The following MS4A13 variants were observed in gnomAD, a reference collection of about 807,000 sequenced individuals.
The protein encoded by MS4A13 is membrane spanning 4-domains A13.
MS4A13 carries 21 observed loss-of-function variants against 18.4 expected under a neutral mutation model. The observed-to-expected ratio is 1.14, with a 90% CI of 0.81 to 1.64. The LOEUF (loss-of-function observed/expected upper bound fraction) is 1.64, where lower values mean the gene tolerates loss of function less well. MS4A13 is among the 40% of genes most tolerant of loss of function. The pLI, the probability that MS4A13 is intolerant of heterozygous loss-of-function variation, is 0.00. For missense variants in MS4A13, 173 were observed against 176.8 expected (o/e 0.98, Z 0.12); for synonymous variants, 62 against 57.2 (o/e 1.08, Z -0.38).
intron 6 of MS4A13, among the ~76,000 whole-genome samples, chr11:60,531,434 C>G (rs1028274714): frequency 1.3e-5 from 2 of 152,140 alleles, no homozygotes; most frequent in African/African-American, 4.8e-5. Flanking sequence ...ACTAAGGAGA[C>G]AGGAGAAGGT....
At chr11:60,532,600 C>T (rs898040428) in intron 6 of MS4A13, among the ~76,000 whole-genome samples, 5 of 152,206 alleles carry the variant, frequency 3.3e-5, no homozygotes, top group East Asian at 1.9e-4. Context: ...GGGGGAGGGG[C>T]GCCCGCCATT....
chr11:60,539,895 C>T (rs142050640), intron 6 of MS4A13, among the ~76,000 whole-genome samples: 428 of 152,222 alleles, frequency 2.8e-3, no homozygotes, highest in Middle Eastern at 0.014. Flanking sequence ...TACAGACATA[C>T]ACAGATGAAT....
At chr11:60,538,713 T>C (rs4247508) in intron 6 of MS4A13, among the ~76,000 whole-genome samples, 139,851 of 146,570 alleles carry the variant, frequency 0.95, 67,105 homozygotes, top group East Asian at 1. Context: ...TGACTTTCAC[T>C]TCCTGGGGTT....
At chr11:60,530,459 A>G (rs1262335201) in intron 6 of MS4A13, among the ~76,000 whole-genome samples, 1 of 152,256 alleles carries the variant, frequency 6.6e-6, no homozygotes, top group Admixed American at 6.5e-5. Context: ...ATTTCTGAAG[A>G]GAGGGAATGA....
intron 3 of MS4A13, among the ~76,000 whole-genome samples, chr11:60,521,298 G>A (rs954113656): frequency 1.3e-5 from 2 of 152,204 alleles, no homozygotes; most frequent in African/African-American, 4.8e-5. Flanking sequence ...GCAAATTTCT[G>A]CAGCTGGCTT....
At chr11:60,524,231 T>G (rs565888430) in intron 4 of MS4A13, among the ~76,000 whole-genome samples, 1 of 152,308 alleles carries the variant, frequency 6.6e-6, no homozygotes, top group East Asian at 1.9e-4. Context: ...ACTTTATAAT[T>G]AAAAAATTTT....
chr11:60,528,856 G>A (rs191549927), intron 5 of MS4A13, among the ~76,000 whole-genome samples: 19 of 152,236 alleles, frequency 1.2e-4, no homozygotes, highest in Non-Finnish European at 2.9e-5. Flanking sequence ...AATGTTCTTT[G>A]AACTCTTTTT....
At chr11:60,538,846 A>G (rs2086833566) in intron 6 of MS4A13, among the ~76,000 whole-genome samples, 1 of 133,376 alleles carries the variant, frequency 7.5e-6, no homozygotes, top group African/African-American at 2.8e-5. Flanking sequence ...GGGAAGTCAG[A>G]GAGATTTGAA....
At chr11:60,529,212 G>A (rs2086742864) in intron 5 of MS4A13, among the ~76,000 whole-genome samples, 153 bp from the exon 6 acceptor site, 1 of 150,422 alleles carries the variant, frequency 6.6e-6, no homozygotes, top group Non-Finnish European at 1.5e-5. Flanking sequence ...AAATGTCTAA[G>A]GAAATCAAAT....
intron 3 of MS4A13, among the ~76,000 whole-genome samples, chr11:60,523,394 G>A (rs1212569421): frequency 2.0e-5 from 3 of 152,088 alleles, no homozygotes; most frequent in Non-Finnish European, 4.4e-5. Context: ...CAAAGGCAAA[G>A]GCATGAATTT....
At chr11:60,539,815 T>A (rs1470506075) in intron 6 of MS4A13, among the ~76,000 whole-genome samples, 4 of 152,218 alleles carry the variant, frequency 2.6e-5, no homozygotes, top group Middle Eastern at 3.4e-3. Context: ...GATATTAAAG[T>A]GCAGGGGGAA....
At chr11:60,522,226 A>G (rs61900769) in intron 3 of MS4A13, among the ~76,000 whole-genome samples, 2 of 60,078 alleles carry the variant, frequency 3.3e-5, no homozygotes, top group Non-Finnish European at 4.7e-5. Context: ...ATAGATAGAT[A>G]GATAGATAGA....
At chr11:60,529,517 C>A in intron 6 of MS4A13, 57 bp downstream of exon 6, 1 of 951,670 alleles carries the variant, frequency 1.1e-6, no homozygotes, top group Admixed American at 2.3e-5. Context: ...AGTAACTACA[C>A]TCTATGAGAA....
At chr11:60,519,130 A>G (rs1339504244) in intron 3 of MS4A13, among the ~76,000 whole-genome samples, 1 of 152,212 alleles carries the variant, frequency 6.6e-6, no homozygotes, top group African/African-American at 2.4e-5. Flanking sequence ...CTAGGAGCAT[A>G]GAAAGTTTAT....
intron 6 of MS4A13, 96 bp downstream of exon 6, chr11:60,529,556 G>T: frequency 1.8e-6 from 1 of 543,000 alleles, no homozygotes; most frequent in Non-Finnish European, 3.1e-6. Context: ...AAAATATTTA[G>T]AACTAATATA....
At chr11:60,526,063 A>T (rs1230327589) in intron 5 of MS4A13, among the ~76,000 whole-genome samples, 2 of 152,100 alleles carry the variant, frequency 1.3e-5, no homozygotes, top group Non-Finnish European at 2.9e-5. Context: ...CAGGTGAAGG[A>T]TAAACTTCCT....
chr11:60,515,916 T>TA (rs1236265496), intron 1 of MS4A13, 53 bp from the exon 2 acceptor site: 1 of 152,218 alleles, frequency 6.6e-6, no homozygotes, highest in African/African-American at 2.4e-5. Flanking sequence ...GGATCAAACT[T>TA]ACGTATTTTC....
rs751786283 is a variant in MS4A13 at position 60,529,382 on chromosome 11, A to G, written c.324A>G (p.Val108=). The G allele has an allele frequency of 1.1e-5, 18 of 1,602,270 alleles. No homozygotes were observed. The highest frequency in any genetic ancestry group is 1.5e-5 in the Non-Finnish European group (18 of 1,174,388). ...GGTTATAGAAACTTGGGAGGGAAGT[A>G]TCACGTATTTTACTGTTCTTCTACG... ...NYGQAKLGRE[V]SRILLFFYGL... is the part of the protein sequence containing the mutation. The change falls in exon 6 of 7, where the codon GTA becomes GTG. Residue 108 remains valine, a synonymous_variant. Transcript: ENST00000378186.
At chr11:60,523,627 G>A (rs538846137) in intron 3 of MS4A13, among the ~76,000 whole-genome samples, 20 of 152,042 alleles carry the variant, frequency 1.3e-4, no homozygotes, top group Non-Finnish European at 1.9e-4. Context: ...CTTGGTTCCC[G>A]GTCAGGACTG....
Sources: gnomAD v4.1 joint callset for allele counts (sites outside exome capture counted in the v4.1 genomes callset) on GRCh38, gnomAD v4.1.1 for gene constraint, MANE v1.5 for transcripts, NCBI Gene and HGNC (gene_info 2026-07-23, HGNC 2026-07-21) for gene names.